The following DOCK2 variants were observed in gnomAD, a reference collection of about 807,000 sequenced individuals.
DOCK2 encodes dedicator of cytokinesis protein 2.
In DOCK2, 87 loss-of-function variants were observed where a neutral mutation model predicts 248.9. The ratio of observed to expected loss-of-function variants is 0.35; its 90% CI spans 0.29 to 0.42. The LOEUF is 0.42. Among genes scored for constraint, DOCK2 ranks in the 10% least tolerant of loss-of-function variants. DOCK2 has a pLI of 1.00. For synonymous variants in DOCK2, 805 were observed against 821.6 expected (o/e 0.98, Z 0.35); for missense variants, 1,747 against 2,300.2 (o/e 0.76, Z 4.92).
intron 22 of DOCK2, among the ~76,000 whole-genome samples, chr5:169,725,756 G>C (rs892604101): frequency 1.4e-4 from 21 of 151,928 alleles, no homozygotes; most frequent in African/African-American, 4.4e-4. Context: ...AACATGCGGT[G>C]TTTGGTTTTC....
chr5:169,810,989 T>TCTCACA (rs1317820236), intron 26 of DOCK2, among the ~76,000 whole-genome samples: 5 of 97,218 alleles, frequency 5.1e-5, no homozygotes, highest in Non-Finnish European at 1.2e-4. Context: ...TCTCTCTCTC[T>TCTCACA]CACACACACA....
At chr5:169,770,098 A>G (rs1765002607) in intron 25 of DOCK2, among the ~76,000 whole-genome samples, 1 of 152,026 alleles carries the variant, frequency 6.6e-6, no homozygotes, top group Non-Finnish European at 1.5e-5. Flanking sequence ...CTGGCCATTA[A>G]TTCAAAATAC....
intron 2 of DOCK2, among the ~76,000 whole-genome samples, chr5:169,655,856 A>G (rs1758081874): frequency 6.6e-6 from 1 of 152,232 alleles, no homozygotes; most frequent in Admixed American, 6.5e-5. Context: ...CATGGGGGAA[A>G]TGAGAACTTT....
chr5:169,696,084 C>A (rs943060885), intron 10 of DOCK2, 146 bp downstream of exon 10: 78 of 1,123,462 alleles, frequency 6.9e-5, no homozygotes, highest in Non-Finnish European at 8.9e-5. Flanking sequence ...AACTACATTT[C>A]TGGTGACTAA....
intron 29 of DOCK2, among the ~76,000 whole-genome samples, chr5:169,988,695 A>G (rs1387552395): frequency 6.6e-6 from 1 of 152,098 alleles, no homozygotes. Flanking sequence ...TATTTTTAGT[A>G]GAGAAGGAGT....
chr5:169,913,709 C>T (rs1774725412), intron 27 of DOCK2, among the ~76,000 whole-genome samples: 1 of 100,620 alleles, frequency 9.9e-6, no homozygotes, highest in Non-Finnish European at 1.9e-5. Context: ...TCTTACCACG[C>T]CCTCTGCCTG....
intron 2 of DOCK2, among the ~76,000 whole-genome samples, chr5:169,668,940 G>A (rs1758878966): frequency 6.6e-6 from 1 of 152,150 alleles, no homozygotes; most frequent in South Asian, 2.1e-4. Flanking sequence ...ACAAGGGAGG[G>A]GCTGCGTTGA....
At chr5:169,803,357 C>T (rs1020864563) in intron 26 of DOCK2, 151 bp downstream of exon 26, 2 of 1,007,226 alleles carry the variant, frequency 2.0e-6, no homozygotes, top group Non-Finnish European at 2.8e-6. Flanking sequence ...GTGACTAACC[C>T]CCATTGCTGT....
chr5:169,727,570 G>A (rs1485613580), intron 22 of DOCK2, among the ~76,000 whole-genome samples: 1 of 152,158 alleles, frequency 6.6e-6, no homozygotes, highest in Non-Finnish European at 1.5e-5. Flanking sequence ...TGTATCCAGG[G>A]GGATTTTGAT....
At chr5:169,858,881 G>T (rs2113397426) in intron 27 of DOCK2, among the ~76,000 whole-genome samples, 1 of 152,230 alleles carries the variant, frequency 6.6e-6, no homozygotes, top group South Asian at 2.1e-4. Context: ...GGTTGTGGTG[G>T]TAAGCACCTG....
At chr5:169,980,741 A>G (rs1221079085) in intron 27 of DOCK2, 1 of 152,228 alleles carries the variant, frequency 6.6e-6, no homozygotes, top group Non-Finnish European at 1.5e-5. Context: ...TTAAATTAGC[A>G]GTGACGGCGG....
At position 170,047,525 on chromosome 5, in the gene DOCK2, T is replaced by C; in HGVS notation, c.3982T>C (p.Phe1328Leu). The C allele has an allele frequency of 6.2e-7, 1 of 1,613,412 alleles. No individual in the cohort carries two copies. Among genetic ancestry groups the C allele is most frequent in the Non-Finnish European group, 8.5e-7 (1 of 1,179,678 alleles). The change falls in exon 40 of 52, where the codon TTC (phenylalanine) becomes CTC (leucine). Residue 1328 changes from phenylalanine to leucine, a missense_variant. Phe to Leu is a conservative substitution (Grantham distance 22, BLOSUM62 0). Transcript: ENST00000520908. ...CTTCCTTTAGATCCAGCAGGCAAAA[T>C]TCTATGAAAGCATCATGAAAATCCT... The part of the protein sequence containing the change: ...LSQNLIQQAK[F>L]YESIMKILRP...
At chr5:170,055,637 C>T (rs1407631409) in intron 42 of DOCK2, among the ~76,000 whole-genome samples, 3 of 152,264 alleles carry the variant, frequency 2.0e-5, no homozygotes, top group African/African-American at 7.2e-5. Context: ...AAGCATCGAG[C>T]ATTTGCTCAA....
At chr5:169,856,145 G>A (rs1581294704) in intron 27 of DOCK2, among the ~76,000 whole-genome samples, 1 of 152,208 alleles carries the variant, frequency 6.6e-6, no homozygotes, top group Admixed American at 6.5e-5. Flanking sequence ...CAACATCTGG[G>A]GATTACAACT....
At chr5:169,822,289 C>G (rs991107266) in intron 26 of DOCK2, among the ~76,000 whole-genome samples, 5 of 152,236 alleles carry the variant, frequency 3.3e-5, no homozygotes, top group African/African-American at 1.2e-4. Flanking sequence ...CTACAGAACT[C>G]TCCACCCCAA....
intron 1 of DOCK2, among the ~76,000 whole-genome samples, chr5:169,646,760 G>T (rs537233198): frequency 6.6e-6 from 1 of 152,304 alleles, no homozygotes; most frequent in Non-Finnish European, 1.5e-5. Context: ...GCCAGTTAAG[G>T]TCCCTGGCAA....
intron 26 of DOCK2, among the ~76,000 whole-genome samples, chr5:169,815,408 A>C (rs1768003481): frequency 6.6e-6 from 1 of 152,210 alleles, no homozygotes; most frequent in South Asian, 2.1e-4. Flanking sequence ...CAAAGTTTAA[A>C]GAAGTTTGCC....
chr5:169,662,000 T>G (rs1320603813), intron 2 of DOCK2, among the ~76,000 whole-genome samples: 3 of 152,356 alleles, frequency 2.0e-5, no homozygotes, highest in Non-Finnish European at 4.4e-5. Flanking sequence ...TGCTGGATCA[T>G]ATGCTAGTTC....
intron 22 of DOCK2, among the ~76,000 whole-genome samples, chr5:169,734,740 A>G (rs546736646): frequency 2.0e-5 from 3 of 152,286 alleles, no homozygotes; most frequent in Admixed American, 6.5e-5. Context: ...CCTTTTGTGC[A>G]ATAGGTTTAT....
Sources: allele counts gnomAD v4.1 joint callset (sites outside exome capture counted in the v4.1 genomes callset), GRCh38; gene constraint gnomAD v4.1.1; transcripts MANE v1.5; gene names NCBI Gene and HGNC (gene_info 2026-07-23, HGNC 2026-07-21).